Variants in CFAP299 observed in about 807,000 individuals in gnomAD.
The protein encoded by CFAP299 is cilia and flagella associated protein 299, also known as cilia- and flagella-associated protein 299.
Under a neutral mutation model 27.0 loss-of-function variants are expected in CFAP299, and 21 were observed. The ratio of observed to expected loss-of-function variants is 0.78; its 90% CI spans 0.55 to 1.12. The LOEUF is 1.12. Ranked by LOEUF, CFAP299 falls within the 50% of genes most tolerant of loss-of-function variation. The pLI is 0.00. For synonymous variants in CFAP299, 104 were observed against 98.1 expected (o/e 1.06, Z -0.36); for missense variants, 310 against 276.6 (o/e 1.12, Z -0.86).
At chr4:80,677,032 C>A (rs1719507069) in intron 3 of CFAP299, among the ~76,000 whole-genome samples, 1 of 151,802 alleles carries the variant, frequency 6.6e-6, no homozygotes, top group African/African-American at 2.4e-5. Flanking sequence ...TGAGGTTCAT[C>A]ATTAGGTTGT....
At position 80,549,722 on chromosome 4, in the gene CFAP299, A is replaced by G. The variant is rs148570209; in HGVS notation, c.243-33371A>G. Among the ~76,000 whole-genome samples, 8 of 152,244 alleles carry G rather than the reference A, an allele frequency of 5.3e-5. No individual in the cohort carries two copies. In the East Asian group the frequency reaches 1.5e-3, roughly 29 times the overall value. ...AGTAAATGATCTCTAATAGAAAAGT[A>G]TTTAATTGTTCATATTAAATACTGT... On this transcript the variant is annotated intron_variant, in intron 2 of 5. Transcript: ENST00000358105.
At chr4:80,541,014 CTG>C (rs1733971302) in intron 2 of CFAP299, among the ~76,000 whole-genome samples, 1 of 152,104 alleles carries the variant, frequency 6.6e-6, no homozygotes, top group South Asian at 2.1e-4. Flanking sequence ...ACCCCGATCT[CTG>C]TGTCTTATTC....
intron 2 of CFAP299, among the ~76,000 whole-genome samples, chr4:80,548,455 G>A (rs1184507962): frequency 6.6e-6 from 1 of 152,106 alleles, no homozygotes; most frequent in Non-Finnish European, 1.5e-5. Flanking sequence ...CTACCTTGGC[G>A]ATGGGATTAT....
intron 3 of CFAP299, among the ~76,000 whole-genome samples, chr4:80,656,710 G>A (rs1740575947): frequency 6.6e-6 from 1 of 152,142 alleles, no homozygotes. Context: ...CTTTATAGTA[G>A]AATGATTTAT....
intron 3 of CFAP299, among the ~76,000 whole-genome samples, chr4:80,844,049 C>G (rs1386252516): frequency 3.3e-5 from 5 of 152,096 alleles, no homozygotes; most frequent in African/African-American, 1.2e-4. Context: ...TGATGGTTTC[C>G]AGCTTCATCC....
chr4:80,512,448 C>A (rs1732356395), intron 2 of CFAP299, among the ~76,000 whole-genome samples: 1 of 152,038 alleles, frequency 6.6e-6, no homozygotes, highest in Non-Finnish European at 1.5e-5. Context: ...ATATGGAAAA[C>A]CACTCTAAAT....
At chr4:80,450,541 A>G (rs914389275) in intron 2 of CFAP299, among the ~76,000 whole-genome samples, 1 of 152,128 alleles carries the variant, frequency 6.6e-6, no homozygotes, top group Non-Finnish European at 1.5e-5. Context: ...ATGAAATACT[A>G]GGGAAATATT....
intron 2 of CFAP299, among the ~76,000 whole-genome samples, chr4:80,473,806 G>A (rs1730135022): frequency 6.6e-6 from 1 of 151,984 alleles, no homozygotes; most frequent in African/African-American, 2.4e-5. Context: ...TTTCTAGGCT[G>A]GTTTCAAACT....
chr4:80,872,213 C>T (rs1424585449), intron 4 of CFAP299: 2 of 151,866 alleles, frequency 1.3e-5, no homozygotes, highest in Non-Finnish European at 2.9e-5. Context: ...TGACTATCGC[C>T]CCAGTTTTAG....
At chr4:80,480,998 T>A (rs1241368480) in intron 2 of CFAP299, among the ~76,000 whole-genome samples, 1 of 152,082 alleles carries the variant, frequency 6.6e-6, no homozygotes, top group East Asian at 1.9e-4. Context: ...TATTTTATAT[T>A]CATATAATGT....
intron 3 of CFAP299, among the ~76,000 whole-genome samples, chr4:80,817,889 G>T (rs1729504630): frequency 6.7e-6 from 1 of 150,032 alleles, no homozygotes; most frequent in South Asian, 2.1e-4. Context: ...GTACAAGTTT[G>T]TTACATAGGT....
intron 2 of CFAP299, among the ~76,000 whole-genome samples, chr4:80,511,248 G>A (rs1732286579): frequency 6.6e-6 from 1 of 152,092 alleles, no homozygotes; most frequent in African/African-American, 2.4e-5. Flanking sequence ...TTACAAAGAT[G>A]AACTAAGTAT....
chr4:80,609,118 C>A (rs1273492504), intron 3 of CFAP299, among the ~76,000 whole-genome samples: 1 of 151,746 alleles, frequency 6.6e-6, no homozygotes, highest in South Asian at 2.1e-4. Flanking sequence ...TTTCCAAGGG[C>A]TTTAGTATAC....
At chr4:80,685,700 GTTAGT>G (rs138646964) in intron 3 of CFAP299, among the ~76,000 whole-genome samples, 11,278 of 151,516 alleles carry the variant, frequency 0.074, 620 homozygotes, top group East Asian at 0.22. Flanking sequence ...CTGTGCTCTG[GTTAGT>G]TTAAACCAGG....
At chr4:80,792,787 A>G (rs1178047878) in intron 3 of CFAP299, among the ~76,000 whole-genome samples, 2 of 152,174 alleles carry the variant, frequency 1.3e-5, no homozygotes, top group African/African-American at 4.8e-5. Context: ...ACATATTCAC[A>G]TAAAGCTCTT....
intron 3 of CFAP299, among the ~76,000 whole-genome samples, chr4:80,854,535 G>A (rs1216021968): frequency 6.6e-6 from 1 of 151,992 alleles, no homozygotes; most frequent in South Asian, 2.1e-4. Flanking sequence ...ACAGAAGCAT[G>A]GATATCCCAG....
chr4:80,339,030 G>T (rs1458039), intron 1 of CFAP299, among the ~76,000 whole-genome samples: 130,343 of 152,152 alleles, frequency 0.86, 56,132 homozygotes, highest in African/African-American at 0.95. Flanking sequence ...CAACTGGAGT[G>T]CAGGGGGCTG....
At chr4:80,585,238 G>A (rs577859307) in intron 3 of CFAP299, among the ~76,000 whole-genome samples, 1 of 152,212 alleles carries the variant, frequency 6.6e-6, no homozygotes, top group East Asian at 1.9e-4. Context: ...AGATGGTACT[G>A]CCACTCTGAA....
chr4:80,806,306 G>A (rs1477324271), intron 3 of CFAP299, among the ~76,000 whole-genome samples: 4 of 152,114 alleles, frequency 2.6e-5, no homozygotes, highest in Non-Finnish European at 5.9e-5. Context: ...TTAAATTCAT[G>A]TTACCAAACA....
Sources: allele counts gnomAD v4.1 joint callset (sites outside exome capture counted in the v4.1 genomes callset), GRCh38; gene constraint gnomAD v4.1.1; transcripts MANE v1.5; gene names NCBI Gene and HGNC (gene_info 2026-07-23, HGNC 2026-07-21).